PARVB: variants seen among roughly 807,000 people sequenced by gnomAD.
The protein encoded by PARVB is parvin beta.
In PARVB, 46 loss-of-function variants were observed where a neutral mutation model predicts 47.0. The ratio of observed to expected loss-of-function variants is 0.98; its 90% CI spans 0.77 to 1.25. The LOEUF (loss-of-function observed/expected upper bound fraction) is 1.25. Among genes scored for constraint, PARVB ranks in the 50% most tolerant of loss-of-function variants. The pLI, the probability that PARVB is intolerant of heterozygous loss-of-function variation, is 0.00. For missense variants in PARVB, 473 were observed against 471.6 expected (o/e 1.00, Z -0.03); for synonymous variants, 196 against 196.3 (o/e 1.00, Z 0.01).
chr22:43,999,850 A>AAAC (rs1569041534), intron 2 of PARVB, among the ~76,000 whole-genome samples: 2 of 149,242 alleles, frequency 1.3e-5, no homozygotes, highest in African/African-American at 5.1e-5. Context: ...AAAAAAAAAA[A>AAAC]AAAAAAAACA....
intron 2 of PARVB, among the ~76,000 whole-genome samples, chr22:44,010,058 G>T: frequency 6.6e-6 from 1 of 151,996 alleles, no homozygotes; most frequent in South Asian, 2.1e-4. Flanking sequence ...CACCCTCCTC[G>T]GCCTCCCAAT....
intron 1 of PARVB, among the ~76,000 whole-genome samples, chr22:44,034,138 GA>G (rs2050872979): frequency 6.7e-6 from 1 of 149,794 alleles, no homozygotes; most frequent in Non-Finnish European, 1.5e-5. Flanking sequence ...AGAATATAAA[GA>G]ATAATTTTGG....
chr22:44,029,797 C>T (rs1001573932), intron 1 of PARVB, among the ~76,000 whole-genome samples: 2 of 152,086 alleles, frequency 1.3e-5, no homozygotes, highest in Non-Finnish European at 2.9e-5. Flanking sequence ...GTAATCCCAG[C>T]TACTCAGGAG....
At chr22:44,165,075 C>A (rs2054137875) in intron 12 of PARVB, among the ~76,000 whole-genome samples, 1 of 152,184 alleles carries the variant, frequency 6.6e-6, no homozygotes, top group Non-Finnish European at 1.5e-5. Flanking sequence ...TCACTGCAAC[C>A]TCTTCCTCTT....
intron 3 of PARVB, among the ~76,000 whole-genome samples, chr22:44,118,663 G>T (rs1458730318): frequency 2.0e-5 from 3 of 152,206 alleles, no homozygotes; most frequent in African/African-American, 7.2e-5. Flanking sequence ...GGTCCTAGTG[G>T]CTGCAGAGTT....
chr22:44,057,197 G>A (rs1601537947), intron 1 of PARVB, among the ~76,000 whole-genome samples: 2 of 152,134 alleles, frequency 1.3e-5, no homozygotes, highest in South Asian at 4.1e-4. Context: ...AATTAAATTA[G>A]GGGACTTGTG....
rs1196316312 is a variant in PARVB at position 44,068,357 on chromosome 22, G to T, written c.113-25571G>T. On this transcript the variant is annotated intron_variant, in intron 1 of 12. Coordinates refer to ENST00000338758, the MANE Select transcript of PARVB (RefSeq NM_013327.5). This position sits in a 1 kb window ranked among gnomAD's most constrained non-coding sequence, Gnocchi z 4.1. ...CGCCTGTGTCACCTGGTAGGGAGGGGCTGGGCCTGGTGTTATAAACCAGGA... is the reference window on the plus strand; with the variant it reads ...CGCCTGTGTCACCTGGTAGGGAGGGTCTGGGCCTGGTGTTATAAACCAGGA... Among the ~76,000 whole-genome samples the T allele has an allele frequency of 2.0e-5, 3 of 152,170 alleles. No homozygotes were observed. The highest frequency in any genetic ancestry group is 2.0e-4 in the Admixed American group (3 of 15,282).
At position 44,125,090 on chromosome 22, in the gene PARVB, G is replaced by A. The variant is rs1337774116; in HGVS notation, c.376+5950G>A. ...GGTGGGGGGATGAGGTGCTGGGGAG[G>A]CCATGTCCCATAACTCACTCTGAAG... On this transcript the variant is annotated intron_variant, in intron 4 of 12. Transcript: ENST00000338758. This position sits in a 1 kb window ranked among gnomAD's most constrained non-coding sequence, Gnocchi z 4.1. Among the ~76,000 whole-genome samples the A allele has an allele frequency of 6.6e-6, 1 of 152,088 alleles. No homozygotes were observed. The highest frequency in any genetic ancestry group is 1.5e-5 in the Non-Finnish European group (1 of 68,006).
At chr22:44,032,090 T>C (rs978402677) in intron 1 of PARVB, among the ~76,000 whole-genome samples, 7 of 152,204 alleles carry the variant, frequency 4.6e-5, no homozygotes, top group Admixed American at 3.3e-4. Context: ...CCCAATGGTA[T>C]TAATTTGCTT....
chr22:44,146,609 C>T (rs1483526960), intron 8 of PARVB: 2 of 152,348 alleles, frequency 1.3e-5, no homozygotes, highest in African/African-American at 4.8e-5. Flanking sequence ...TGGGAGGAGG[C>T]TTGGCCAACT....
intron 1 of PARVB, among the ~76,000 whole-genome samples, chr22:44,032,078 G>A (rs2050836123): frequency 6.6e-6 from 1 of 152,116 alleles, no homozygotes; most frequent in South Asian, 2.1e-4. Flanking sequence ...AGCATACGTT[G>A]GCCCAATGGT....
At position 44,168,814 on chromosome 22, in the gene PARVB, CT is replaced by C. The variant is rs1206897545; in HGVS notation, c.*137del. The C allele has an allele frequency of 8.0e-6, 5 of 624,950 alleles. No individual in the cohort carries two copies. In the East Asian group the frequency reaches 1.4e-4, roughly 17 times the overall value. 38.7% of individuals were successfully genotyped at this position (624,950 alleles called of 1,614,324 possible). On this transcript the variant is annotated 3_prime_UTR_variant, in exon 13 of 13. Coordinates refer to ENST00000338758, the MANE Select transcript of PARVB (RefSeq NM_013327.5). ...GTTGACTGTCATCCCCACCCCACCCCTACCTCACGCCTGCCCCACCCCCTGC... is the reference window on the plus strand; with the variant it reads ...GTTGACTGTCATCCCCACCCCACCCCACCTCACGCCTGCCCCACCCCCTGC...
intron 2 of PARVB, among the ~76,000 whole-genome samples, chr22:44,016,083 TTTTC>T (rs1189110991): frequency 1.0e-4 from 14 of 137,570 alleles, no homozygotes; most frequent in African/African-American, 3.2e-4. Context: ...GTCTTTTTCT[TTTTC>T]TTTCTTTCTT....
intron 2 of PARVB, among the ~76,000 whole-genome samples, chr22:44,014,893 C>T (rs1367822759): frequency 6.6e-6 from 1 of 151,374 alleles, no homozygotes; most frequent in African/African-American, 2.4e-5. Flanking sequence ...CTCTGTTGCA[C>T]AGGCTGGAGT....
intron 2 of PARVB, among the ~76,000 whole-genome samples, chr22:43,999,857 A>AAAAAAAAG: frequency 6.7e-6 from 1 of 149,490 alleles, no homozygotes; most frequent in Non-Finnish European, 1.5e-5. Flanking sequence ...AAAAAAAAAA[A>AAAAAAAAG]ACAGCTGGGT....
chr22:44,128,336 G>C (rs57000422), intron 4 of PARVB, among the ~76,000 whole-genome samples: 1 of 152,200 alleles, frequency 6.6e-6, no homozygotes, highest in Non-Finnish European at 1.5e-5. Context: ...CCATCACTCA[G>C]GGTCACCTGC....
At chr22:44,139,951 G>C in intron 7 of PARVB, 173 bp from the exon 8 acceptor site, 1 of 666,018 alleles carries the variant, frequency 1.5e-6, no homozygotes, top group Non-Finnish European at 2.7e-6. Context: ...TTTATAATTA[G>C]AGCAGGCTGG....
chr22:44,076,324 C>A (rs1181229568), intron 1 of PARVB, among the ~76,000 whole-genome samples: 1 of 152,202 alleles, frequency 6.6e-6, no homozygotes, highest in African/African-American at 2.4e-5. Context: ...CACCCGCAGC[C>A]CTGTGTCCTC....
At chr22:44,058,224 G>C (rs978123371) in intron 1 of PARVB, among the ~76,000 whole-genome samples, 1 of 152,154 alleles carries the variant, frequency 6.6e-6, no homozygotes, top group Non-Finnish European at 1.5e-5. Context: ...TGTCAGCAGG[G>C]CCTTGCTCCA....
Sources: gnomAD v4.1 joint callset for allele counts (sites outside exome capture counted in the v4.1 genomes callset) on GRCh38, gnomAD v4.1.1 for gene constraint, Gnocchi (gnomAD v3.1) non-coding constraint, MANE v1.5 for transcripts, NCBI Gene and HGNC (gene_info 2026-07-23, HGNC 2026-07-21) for gene names.